The following TBCD variants were observed in gnomAD, a reference collection of about 807,000 sequenced individuals.
The protein encoded by TBCD is tubulin folding cofactor D.
A neutral mutation model predicts 169.3 loss-of-function variants in TBCD; 105 were observed. The observed-to-expected ratio is 0.62, with a 90% CI of 0.53 to 0.73. The LOEUF (loss-of-function observed/expected upper bound fraction) is 0.73, where lower values mean the gene tolerates loss of function less well. Ranked by LOEUF, TBCD falls within the 30% of genes least tolerant of loss-of-function variation. The pLI is 0.00. For missense variants in TBCD, 1,444 were observed against 1,600.1 expected (o/e 0.90, Z 1.66); for synonymous variants, 700 against 643.9 (o/e 1.09, Z -1.32).
chr17:82,805,184 A>G (rs930698083), intron 9 of TBCD, among the ~76,000 whole-genome samples: 1 of 152,222 alleles, frequency 6.6e-6, no homozygotes, highest in South Asian at 2.1e-4. Flanking sequence ...CTCCTCACAC[A>G]GCTCTCTGCG....
At chr17:82,758,378 G>A (rs1265098294) in intron 2 of TBCD, among the ~76,000 whole-genome samples, 7 of 14,126 alleles carry the variant, frequency 5.0e-4, no homozygotes, top group Non-Finnish European at 8.9e-4. Flanking sequence ...GAACGAAAAC[G>A]TCTCGGAAAA....
chr17:82,787,454 G>T (rs967590760), intron 7 of TBCD, among the ~76,000 whole-genome samples: 1 of 152,226 alleles, frequency 6.6e-6, no homozygotes, highest in African/African-American at 2.4e-5. Context: ...CCAGAGTCAT[G>T]TGTGTTGTTT....
At chr17:82,867,720 G>A (rs541632153) in intron 13 of TBCD, among the ~76,000 whole-genome samples, 1 of 152,212 alleles carries the variant, frequency 6.6e-6, no homozygotes, top group Non-Finnish European at 1.5e-5. Context: ...TTCTTGTTTG[G>A]TTTCGCGTCT....
Position 82,782,951 on chromosome 17 carries a change from CCCTCCTGTCCATGGTGG to C in TBCD, c.771+1241_771+1257del, listed in dbSNP as rs975911957. On this transcript the variant is annotated intron_variant, in intron 7 of 38. Transcript: ENST00000355528. The surrounding 1 kb of genome is among the most constrained non-coding windows in gnomAD (Gnocchi z 5.1). ...CCATGGCGGCCTCCTGTCCGCGGTG[CCCTCCTGTCCATGGTGG>C]CCTCCTGTCCGCTGTGCCCTCCTGT... 3.4e-4 allele frequency among the ~76,000 whole-genome samples: 49 copies of C among 146,220 alleles called. No individual in the cohort carries two copies. The highest frequency in any genetic ancestry group is 1.2e-3 in the African/African-American group (47 of 39,098).
chr17:82,940,212 T>TGC (rs2063006091), intron 37 of TBCD, among the ~76,000 whole-genome samples: 4 of 119,946 alleles, frequency 3.3e-5, no homozygotes, highest in African/African-American at 1.0e-4. Context: ...CATGCTCACT[T>TGC]GCACGCGCGC....
chr17:82,839,133 G>C (rs2054240917), intron 13 of TBCD, among the ~76,000 whole-genome samples: 2 of 152,118 alleles, frequency 1.3e-5, no homozygotes, highest in African/African-American at 4.8e-5. Flanking sequence ...CTTCATGTAA[G>C]CTTATGTACT....
intron 14 of TBCD, 34 bp downstream of exon 14, chr17:82,870,414 C>T (rs371667508): frequency 2.5e-5 from 40 of 1,600,158 alleles, no homozygotes; most frequent in South Asian, 8.9e-5. Flanking sequence ...TCGGATGCGC[C>T]GTGCCCCCTG....
Position 82,903,713 on chromosome 17 carries a change from G to A in TBCD, c.1804+235G>A, listed in dbSNP as rs904565947. 4.6e-5 allele frequency among the ~76,000 whole-genome samples: 7 copies of A among 152,234 alleles called. No homozygotes were observed. The highest frequency in any genetic ancestry group is 8.8e-5 in the Non-Finnish European group (6 of 68,040). ...AACTGTGTTACGTACACCGGAGCCC[G>A]TGATGGTCCCGCCGGATGCCTGACA... is the stretch of plus-strand genomic sequence containing the variant. On this transcript the variant is annotated intron_variant, in intron 19 of 38. Transcript: ENST00000355528. The surrounding 1 kb of genome is among the most constrained non-coding windows in gnomAD (Gnocchi z 4.8).
chr17:82,840,139 A>G (rs946523594), intron 13 of TBCD: 5 of 152,168 alleles, frequency 3.3e-5, no homozygotes, highest in African/African-American at 1.2e-4. Flanking sequence ...GCACCCACCG[A>G]GCTGCTGCGG....
At chr17:82,815,020 G>T (rs1345185480) in intron 13 of TBCD, 86 bp downstream of exon 13, 4 of 1,578,364 alleles carry the variant, frequency 2.5e-6, no homozygotes, top group Non-Finnish European at 3.4e-6. Flanking sequence ...CTCGACTCGT[G>T]GATGGTGAGT....
chr17:82,913,653 C>T (rs1429228770), intron 23 of TBCD: 1 of 152,376 alleles, frequency 6.6e-6, no homozygotes, highest in African/African-American at 2.4e-5. Flanking sequence ...TTTCCTTTAC[C>T]CTCCTGCTCC....
rs567316358 is a variant in TBCD at position 82,929,376 on chromosome 17, C to T, written c.2867C>T (p.Ser956Phe). ...EKLFPRSDVA[S>F]VNWSAPSQAF... The stretch of plus-strand genomic sequence containing the variant: ...CTCTCTTGCAGGTCCGATGTGGCCT[C>T]CGTGAACTGGAGTGCACCTTCCCAG... Residue 956 changes from serine to phenylalanine, a missense_variant, in exon 32 of 39, where the codon TCC (serine) becomes TTC (phenylalanine). Coordinates refer to ENST00000355528, the MANE Select transcript of TBCD (RefSeq NM_005993.5). 3.0e-5 allele frequency: 49 copies of T among 1,613,102 alleles called. No homozygotes were observed. The highest frequency in any genetic ancestry group is 2.6e-4 in the South Asian group (24 of 91,074).
rs185291902 is a variant in TBCD at position 82,789,971 on chromosome 17, C to T, written c.772-7786C>T. Among the ~76,000 whole-genome samples, 14 of 152,336 alleles carry T rather than the reference C, an allele frequency of 9.2e-5. No individual in the cohort carries two copies. In the East Asian group the frequency reaches 1.4e-3, roughly 15 times the overall value. On this transcript the variant is annotated intron_variant, in intron 7 of 38. Coordinates refer to ENST00000355528, the MANE Select transcript of TBCD (RefSeq NM_005993.5). This position sits in a 1 kb window ranked among gnomAD's most constrained non-coding sequence, Gnocchi z 4.8. Reference sequence around the variant, plus strand: ...ATCCCCGAGACGCCGTGTTCCCTCCCGCTGTCCGCTCACACCTGCCTGTGT... The same window carrying T: ...ATCCCCGAGACGCCGTGTTCCCTCCTGCTGTCCGCTCACACCTGCCTGTGT...
intron 23 of TBCD, among the ~76,000 whole-genome samples, chr17:82,916,801 A>T (rs1465813786): frequency 6.6e-6 from 1 of 152,174 alleles, no homozygotes; most frequent in South Asian, 2.1e-4. Context: ...TCTAGGGTTC[A>T]TACTTGTTCC....
chr17:82,821,112 G>GA (rs11398809), intron 13 of TBCD, among the ~76,000 whole-genome samples: 81,924 of 151,414 alleles, frequency 0.54, 22,257 homozygotes, highest in South Asian at 0.65. Flanking sequence ...TGCTGCACTG[G>GA]AAAAAAAAAT....
intron 2 of TBCD, among the ~76,000 whole-genome samples, chr17:82,760,310 A>G (rs953874150): frequency 2.6e-5 from 4 of 152,218 alleles, no homozygotes; most frequent in African/African-American, 4.8e-5. Context: ...TTGGAATTCT[A>G]TTAAATTCAC....
At chr17:82,775,251 G>A (rs1247812038) in intron 6 of TBCD, among the ~76,000 whole-genome samples, 1 of 152,248 alleles carries the variant, frequency 6.6e-6, no homozygotes, top group Non-Finnish European at 1.5e-5. Context: ...GGGGGCGTCG[G>A]TGCCGTGGAG....
chr17:82,916,346 G>A (rs974805563), intron 23 of TBCD, among the ~76,000 whole-genome samples: 4 of 152,086 alleles, frequency 2.6e-5, no homozygotes, highest in Non-Finnish European at 5.9e-5. Flanking sequence ...CCAGGTTCAA[G>A]TGTTTCTCCC....
chr17:82,865,164 G>C (rs1599035976), intron 13 of TBCD, among the ~76,000 whole-genome samples: 1 of 137,524 alleles, frequency 7.3e-6, no homozygotes, highest in Non-Finnish European at 1.6e-5. Context: ...TTCAACACTG[G>C]CGTTTTTTTT....
Sources: allele counts gnomAD v4.1 joint callset (sites outside exome capture counted in the v4.1 genomes callset), GRCh38; gene constraint gnomAD v4.1.1; non-coding constraint Gnocchi (gnomAD v3.1); transcripts MANE v1.5; gene names NCBI Gene and HGNC (gene_info 2026-07-23, HGNC 2026-07-21).